SIL1: variants seen among roughly 807,000 people sequenced by gnomAD.
SIL1 encodes SIL1 nucleotide exchange factor.
Under a neutral mutation model 49.1 loss-of-function variants are expected in SIL1, and 40 were observed. The observed-to-expected ratio is 0.81, with a 90% CI of 0.63 to 1.06. The LOEUF is 1.06. Among genes scored for constraint, SIL1 ranks in the 50% least tolerant of loss-of-function variants. The pLI is 0.00. For missense variants in SIL1, 500 were observed against 572.6 expected, an observed-to-expected ratio of 0.87 and a Z score of 1.29; for synonymous variants, 253 against 250.8, an observed-to-expected ratio of 1.01 and a Z score of -0.08.
intron 7 of SIL1, among the ~76,000 whole-genome samples, chr5:138,991,230 C>A (rs1196305197): frequency 1.3e-5 from 2 of 152,244 alleles, no homozygotes; most frequent in African/African-American, 2.4e-5. Flanking sequence ...CTTTTCCCAG[C>A]AGCCTGGCTG....
intron 1 of SIL1, among the ~76,000 whole-genome samples, chr5:139,197,916 C>T (rs1354774955): frequency 4.6e-5 from 7 of 152,328 alleles, no homozygotes; most frequent in Admixed American, 2.0e-4. Context: ...CGGAGATCAA[C>T]ACCAAACCAC....
At chr5:139,053,253 C>G (rs1297416131) in intron 3 of SIL1, among the ~76,000 whole-genome samples, 1 of 152,098 alleles carries the variant, frequency 6.6e-6, no homozygotes, top group Admixed American at 6.5e-5. Context: ...TGCTAAAATG[C>G]CAGCCCCCTT....
chr5:139,165,985 T>C (rs566007510), intron 1 of SIL1, among the ~76,000 whole-genome samples: 2 of 152,142 alleles, frequency 1.3e-5, no homozygotes, highest in Non-Finnish European at 2.9e-5. Flanking sequence ...ATGTATTTGA[T>C]TGATGTCTTG....
At chr5:139,114,194 C>T (rs1255618563) in intron 3 of SIL1, among the ~76,000 whole-genome samples, 6 of 152,224 alleles carry the variant, frequency 3.9e-5, no homozygotes, top group Non-Finnish European at 7.3e-5. Flanking sequence ...GCAAAGTGGC[C>T]TCAGTCTTGG....
At chr5:139,170,915 T>A (rs1751747239) in intron 1 of SIL1, among the ~76,000 whole-genome samples, 1 of 137,338 alleles carries the variant, frequency 7.3e-6, no homozygotes, top group Non-Finnish European at 1.6e-5. Flanking sequence ...GAGGAGCCCC[T>A]CTGCCCAGCC....
chr5:139,096,899 T>C (rs572180811), intron 3 of SIL1, among the ~76,000 whole-genome samples: 2 of 151,932 alleles, frequency 1.3e-5, no homozygotes, highest in Non-Finnish European at 2.9e-5. Flanking sequence ...GGTCCCAGAT[T>C]CCAGGATCTG....
intron 7 of SIL1, among the ~76,000 whole-genome samples, chr5:138,997,976 CT>C (rs1767907113): frequency 6.6e-6 from 1 of 152,112 alleles, no homozygotes; most frequent in Non-Finnish European, 1.5e-5. Flanking sequence ...TTAGAATCGT[CT>C]CTTTTATTTC....
intron 3 of SIL1, among the ~76,000 whole-genome samples, chr5:139,075,800 G>C (rs956429842): frequency 4.6e-5 from 7 of 152,222 alleles, no homozygotes; most frequent in African/African-American, 1.7e-4. Context: ...GGCTGTGGCT[G>C]TCATAATGAC....
intron 7 of SIL1, among the ~76,000 whole-genome samples, chr5:138,971,877 A>G (rs969827549): frequency 1.3e-5 from 2 of 152,108 alleles, no homozygotes; most frequent in Non-Finnish European, 2.9e-5. Context: ...CCTCACCTCC[A>G]GGGCCCACGG....
intron 3 of SIL1, among the ~76,000 whole-genome samples, chr5:139,074,348 T>C (rs888837870): frequency 1.3e-5 from 2 of 152,226 alleles, no homozygotes; most frequent in African/African-American, 4.8e-5. Context: ...TGAGCCATCA[T>C]GGCTGGTCTA....
intron 5 of SIL1, among the ~76,000 whole-genome samples, chr5:139,029,236 A>C (rs2150435207): frequency 6.6e-6 from 1 of 152,370 alleles, no homozygotes; most frequent in East Asian, 1.9e-4. Flanking sequence ...GAGTTATAGA[A>C]GAAATGGCTG....
chr5:139,022,497 C>T (rs556840478), intron 6 of SIL1: 14 of 152,332 alleles, frequency 9.2e-5, no homozygotes, highest in Admixed American at 3.9e-4. Context: ...GCTCCAGGGA[C>T]TAGGATGGTG....
At chr5:139,023,652 G>A (rs1056332281) in intron 6 of SIL1, among the ~76,000 whole-genome samples, 2 of 152,202 alleles carry the variant, frequency 1.3e-5, no homozygotes, top group Admixed American at 6.5e-5. Flanking sequence ...TGGGTCCTTG[G>A]AGCCTACAGC....
intron 3 of SIL1, among the ~76,000 whole-genome samples, chr5:139,079,695 G>A (rs1770031817): frequency 6.6e-6 from 1 of 152,188 alleles, no homozygotes; most frequent in African/African-American, 2.4e-5. Context: ...AAAATGGAAA[G>A]TTAAACTCTA....
At chr5:139,123,641 T>C (rs899291078) in intron 2 of SIL1, among the ~76,000 whole-genome samples, 6 of 152,144 alleles carry the variant, frequency 3.9e-5, no homozygotes, top group Non-Finnish European at 8.8e-5. Context: ...AAAATTTACC[T>C]TGGAGGTGTG....
intron 3 of SIL1, 64 bp downstream of exon 3, chr5:139,120,971 G>A (rs1273259743): frequency 1.5e-5 from 24 of 1,601,066 alleles, no homozygotes; most frequent in Non-Finnish European, 1.9e-5. Context: ...GCCCTCTGGG[G>A]ACAAAGGACA....
At chr5:139,160,172 CACACACACACACACAA>C (rs890398186) in intron 1 of SIL1, among the ~76,000 whole-genome samples, 22 of 151,564 alleles carry the variant, frequency 1.5e-4, no homozygotes, top group African/African-American at 5.3e-4. Context: ...CACACACACA[CACACACACACACACAA>C]AAGTTATAGC....
intron 7 of SIL1, among the ~76,000 whole-genome samples, chr5:138,983,350 T>C (rs1468235961): frequency 6.7e-6 from 1 of 149,692 alleles, no homozygotes; most frequent in African/African-American, 2.5e-5. Flanking sequence ...CTACTATAAG[T>C]ACAAAAAATT....
intron 7 of SIL1, among the ~76,000 whole-genome samples, chr5:138,961,549 G>A (rs903306903): frequency 1.3e-5 from 2 of 151,874 alleles, no homozygotes; most frequent in African/African-American, 4.8e-5. Context: ...CTCAACAGTA[G>A]CTGCACAGGC....
Sources: allele counts gnomAD v4.1 joint callset (sites outside exome capture counted in the v4.1 genomes callset), GRCh38; gene constraint gnomAD v4.1.1; transcripts MANE v1.5; gene names NCBI Gene and HGNC (gene_info 2026-07-23, HGNC 2026-07-21).